The following SLC28A3 variants were observed in gnomAD, a reference collection of about 807,000 sequenced individuals.
The protein encoded by SLC28A3 is solute carrier family 28 member 3, also known as concentrative Na(+)-nucleoside cotransporter 3.
SLC28A3 carries 68 observed loss-of-function variants against 84.2 expected under a neutral mutation model. The ratio of observed to expected loss-of-function variants is 0.81; its 90% CI spans 0.66 to 0.99. The LOEUF (loss-of-function observed/expected upper bound fraction) is 0.99. SLC28A3 is among the 50% of genes least tolerant of loss of function. The probability of loss-of-function intolerance (pLI) is 0.00; values close to 1 mark genes in which losing one functional copy is unlikely to be tolerated. For synonymous variants in SLC28A3, 267 were observed against 303.6 expected (o/e 0.88, Z 1.25); for missense variants, 712 against 841.5 (o/e 0.85, Z 1.90).
At chr9:84,330,326 T>A (rs1412194105) in intron 1 of SLC28A3, among the ~76,000 whole-genome samples, 1 of 152,218 alleles carries the variant, frequency 6.6e-6, no homozygotes, top group African/African-American at 2.4e-5. Context: ...CTACTGATAT[T>A]ACAGAAATAA....
intron 12 of SLC28A3, among the ~76,000 whole-genome samples, chr9:84,287,032 T>C (rs1825017633): frequency 1.3e-5 from 2 of 152,104 alleles, no homozygotes; most frequent in South Asian, 2.1e-4. Context: ...GGTGAAATAC[T>C]GTCGCTACAA....
intron 1 of SLC28A3, among the ~76,000 whole-genome samples, chr9:84,338,555 T>C (rs566561458): frequency 6.6e-6 from 1 of 152,270 alleles, no homozygotes; most frequent in Admixed American, 6.5e-5. Context: ...TTCTTTTTAT[T>C]GGGGCAGGTG....
chr9:84,307,443 A>ACAC (rs1438038930), intron 3 of SLC28A3, among the ~76,000 whole-genome samples: 1 of 143,998 alleles, frequency 6.9e-6, no homozygotes, highest in African/African-American at 2.6e-5. Flanking sequence ...AAAAAAAAAA[A>ACAC]AACAAAAACA....
At chr9:84,337,521 A>AT (rs1244526576) in intron 1 of SLC28A3, among the ~76,000 whole-genome samples, 16 of 151,880 alleles carry the variant, frequency 1.1e-4, no homozygotes, top group African/African-American at 3.6e-4. Flanking sequence ...TCAGGCAGTT[A>AT]TTTTTCCTGA....
At chr9:84,278,402 G>A in intron 17 of SLC28A3, 58 bp from the exon 18 acceptor site, 4 of 1,604,158 alleles carry the variant, frequency 2.5e-6, no homozygotes, top group Non-Finnish European at 2.6e-6. Flanking sequence ...AACAGTAGGT[G>A]AGCAGACAAT....
chr9:84,286,596 T>TA (rs1207353096), intron 12 of SLC28A3, among the ~76,000 whole-genome samples: 1 of 152,028 alleles, frequency 6.6e-6, no homozygotes, highest in Admixed American at 6.6e-5. Flanking sequence ...ACATTTATAA[T>TA]AAAAAATTGG....
chr9:84,337,862 C>G (rs191714003), intron 1 of SLC28A3, among the ~76,000 whole-genome samples: 17 of 152,222 alleles, frequency 1.1e-4, no homozygotes, highest in Admixed American at 7.2e-4. Context: ...GAAGTGTGCT[C>G]TAGCTGTGAA....
In SLC28A3 at chr9:84,277,643, ATTT is replaced by A. The variant is rs2118005773; in HGVS notation, c.*572_*574del. The A allele has an allele frequency of 6.6e-6, 1 of 152,410 alleles. No individual in the cohort carries two copies. Among genetic ancestry groups the A allele is most frequent in the East Asian group, 1.9e-4 (1 of 5,188 alleles). The allele number at this position is 152,410 out of a possible 1,614,324, so 9.4% of individuals were successfully genotyped here. On this transcript the variant is annotated 3_prime_UTR_variant, in exon 18 of 18. Coordinates refer to ENST00000376238, the MANE Select transcript of SLC28A3 (RefSeq NM_001199633.2). Reference sequence around the variant, plus strand: ...CTGATAGAACTCTTAAGCAGAATGGATTTAAACCCTGGTTTTGGTATGATCCAC... The same window carrying A: ...CTGATAGAACTCTTAAGCAGAATGGAAAACCCTGGTTTTGGTATGATCCAC...
chr9:84,285,191 A>C (rs761522564), intron 14 of SLC28A3, among the ~76,000 whole-genome samples, 154 bp downstream of exon 14: 1 of 152,228 alleles, frequency 6.6e-6, no homozygotes, highest in African/African-American at 2.4e-5. Flanking sequence ...TGCTATGTAC[A>C]TTATAAGCTC....
intron 1 of SLC28A3, among the ~76,000 whole-genome samples, chr9:84,336,365 G>A (rs1826976729): frequency 6.6e-6 from 1 of 152,112 alleles, no homozygotes; most frequent in Admixed American, 6.5e-5. Context: ...GTAGCCAGGT[G>A]TGGTGGCATA....
intron 1 of SLC28A3, among the ~76,000 whole-genome samples, chr9:84,328,275 G>C (rs907175171): frequency 2.0e-5 from 3 of 150,546 alleles, no homozygotes; most frequent in Non-Finnish European, 2.9e-5. Flanking sequence ...TTAATTAAAA[G>C]GCAGAGATTT....
chr9:84,363,664 G>T, the SLC28A3 span, among the ~76,000 whole-genome samples: 18 of 152,164 alleles, frequency 1.2e-4, no homozygotes, highest in African/African-American at 3.9e-4. Flanking sequence ...ATAAAAGATG[G>T]CTGTGCCCCA....
chr9:84,340,513 G>A, intron 1 of SLC28A3, 61 bp downstream of exon 1: 1 of 1,568,598 alleles, frequency 6.4e-7, no homozygotes, highest in South Asian at 1.1e-5. Flanking sequence ...TTGCCAAGGG[G>A]CTAAGGAAAG....
chr9:84,280,990 T>C (rs376409630), intron 14 of SLC28A3, 108 bp from the exon 15 acceptor site: 5 of 1,007,512 alleles, frequency 5.0e-6, no homozygotes, highest in African/African-American at 4.8e-5. Context: ...GACAAATAAA[T>C]GCACAGTCCA....
chr9:84,359,863 T>C, the SLC28A3 span, among the ~76,000 whole-genome samples: 1 of 151,762 alleles, frequency 6.6e-6, no homozygotes, highest in Non-Finnish European at 1.5e-5. Flanking sequence ...TAGCTGGGCA[T>C]GGTGGCACGT....
chr9:84,335,889 C>G (rs1826958293), intron 1 of SLC28A3, among the ~76,000 whole-genome samples: 1 of 152,066 alleles, frequency 6.6e-6, no homozygotes, highest in Non-Finnish European at 1.5e-5. Context: ...CATCTTTACT[C>G]CTGAATTTCA....
rs1373556824 is a variant in SLC28A3, at chr9:84,302,286, G to A, written c.438C>T (p.His146=). The A allele has an allele frequency of 1.3e-5, 21 of 1,614,160 alleles. No individual in the cohort carries two copies. The highest frequency in any genetic ancestry group is 2.2e-5 in the South Asian group (2 of 91,086). The change falls in exon 5 of 18, where the codon CAC becomes CAT. Residue 146 remains histidine (H), a synonymous_variant. Transcript: ENST00000376238. ...TTCGATGTTCGTATTTGGCCATCAGGTGATCCCAGACAACAAAGAAGATGG... is the reference window on the plus strand; with the variant it reads ...TTCGATGTTCGTATTTGGCCATCAGATGATCCCAGACAACAAAGAAGATGG... ...VAAIFFVVWD[H]LMAKYEHRID...
At chr9:84,285,758 G>A (rs573261145) in intron 13 of SLC28A3, among the ~76,000 whole-genome samples, 185 bp downstream of exon 13, 18 of 152,224 alleles carry the variant, frequency 1.2e-4, no homozygotes, top group Admixed American at 5.9e-4. Flanking sequence ...ACTGACTGTC[G>A]TTGTGGGGAA....
At chr9:84,342,538 G>A (rs1827185210), upstream of SLC28A3, among the ~76,000 whole-genome samples, 2 of 151,612 alleles carry the variant, frequency 1.3e-5, no homozygotes, top group Non-Finnish European at 2.9e-5. Flanking sequence ...TCAGCCTCCC[G>A]AGTAGCTGGG....
Sources: gnomAD v4.1 joint callset for allele counts (sites outside exome capture counted in the v4.1 genomes callset) on GRCh38, gnomAD v4.1.1 for gene constraint, MANE v1.5 for transcripts, NCBI Gene and HGNC (gene_info 2026-07-23, HGNC 2026-07-21) for gene names.